STK3: variants seen among roughly 807,000 people sequenced by gnomAD.
STK3 encodes serine/threonine-protein kinase 3.
Under a neutral mutation model 58.0 loss-of-function variants are expected in STK3, and 41 were observed. The observed-to-expected ratio is 0.71, with a 90% CI of 0.55 to 0.92. STK3 has a LOEUF of 0.92. Ranked by LOEUF, STK3 falls within the 40% of genes least tolerant of loss-of-function variation. The pLI is 0.00. For missense variants in STK3, 479 were observed against 602.7 expected (o/e 0.79, Z 2.15); for synonymous variants, 170 against 191.0 (o/e 0.89, Z 0.91).
At chr8:98,903,648 T>C (rs1475691944) in intron 1 of STK3, among the ~76,000 whole-genome samples, 4 of 151,704 alleles carry the variant, frequency 2.6e-5, no homozygotes, top group African/African-American at 9.7e-5. Flanking sequence ...CAAGTGATCC[T>C]CTAGCCTCAG....
intron 6 of STK3, among the ~76,000 whole-genome samples, chr8:98,626,167 G>A (rs1818698017): frequency 6.6e-6 from 1 of 152,158 alleles, no homozygotes; most frequent in Non-Finnish European, 1.5e-5. Flanking sequence ...CTGCAGCATA[G>A]AAGCCTTAAC....
intron 6 of STK3, among the ~76,000 whole-genome samples, chr8:98,620,253 G>C (rs1399969528): frequency 8.5e-6 from 1 of 117,390 alleles, no homozygotes; most frequent in Non-Finnish European, 1.7e-5. Flanking sequence ...ACTCATAGGT[G>C]GGAATTGAAC....
At chr8:98,773,361 T>C (rs1268550660) in intron 2 of STK3, among the ~76,000 whole-genome samples, 7 of 152,342 alleles carry the variant, frequency 4.6e-5, no homozygotes, top group African/African-American at 1.4e-4. Context: ...TATATCTCTT[T>C]ATTTAGTTGA....
At chr8:98,638,458 A>G (rs1444809373) in intron 6 of STK3, 1 of 152,246 alleles carries the variant, frequency 6.6e-6, no homozygotes, top group Non-Finnish European at 1.5e-5. Context: ...TAAATCACTT[A>G]CATACGGCCA....
intron 4 of STK3, among the ~76,000 whole-genome samples, chr8:98,740,891 T>G (rs1473400015): frequency 1.3e-5 from 2 of 151,796 alleles, no homozygotes; most frequent in African/African-American, 2.4e-5. Flanking sequence ...AATAAAAGGA[T>G]GGAGGAAGAT....
At chr8:98,534,281 A>ACC (rs1809582115) in intron 9 of STK3, among the ~76,000 whole-genome samples, 1 of 152,224 alleles carries the variant, frequency 6.6e-6, no homozygotes, top group Non-Finnish European at 1.5e-5. Flanking sequence ...TACCCACTGT[A>ACC]AAGATATTGA....
chr8:98,748,315 C>A (rs1829768771), intron 4 of STK3, among the ~76,000 whole-genome samples: 1 of 152,064 alleles, frequency 6.6e-6, no homozygotes, highest in Non-Finnish European at 1.5e-5. Flanking sequence ...TAAAATATAT[C>A]ATTAGCAGAA....
At chr8:98,657,908 T>A (rs1048264813) in intron 6 of STK3, among the ~76,000 whole-genome samples, 7 of 152,122 alleles carry the variant, frequency 4.6e-5, no homozygotes, top group Admixed American at 2.0e-4. Context: ...ATTTCTCATT[T>A]AGTCCTTACA....
At chr8:98,670,588 A>T (rs1822752862) in intron 6 of STK3, among the ~76,000 whole-genome samples, 1 of 152,108 alleles carries the variant, frequency 6.6e-6, no homozygotes, top group Non-Finnish European at 1.5e-5. Context: ...ACAGCCTGAA[A>T]CCCATGACCC....
chr8:98,702,165 C>T (rs1211305672), intron 6 of STK3, among the ~76,000 whole-genome samples: 1 of 152,138 alleles, frequency 6.6e-6, no homozygotes, highest in Non-Finnish European at 1.5e-5. Context: ...CAAACAAATC[C>T]AGTGTTTTTA....
the STK3 span, among the ~76,000 whole-genome samples, chr8:98,365,255 C>T: frequency 2.6e-5 from 4 of 152,210 alleles, no homozygotes; most frequent in East Asian, 5.8e-4. Context: ...TTTAATATCA[C>T]GCTTACTACA....
intron 7 of STK3, among the ~76,000 whole-genome samples, chr8:98,588,086 T>C (rs1028476357): frequency 7.1e-4 from 108 of 152,210 alleles, no homozygotes; most frequent in Non-Finnish European, 1.2e-3. Context: ...TTGGAGCATT[T>C]GGTCCATTTA....
chr8:98,751,318 C>A (rs1398655481), intron 3 of STK3, among the ~76,000 whole-genome samples: 1 of 152,112 alleles, frequency 6.6e-6, no homozygotes. Context: ...TCAAACTACC[C>A]CTGTTTGCAG....
chr8:98,737,095 C>A (rs150008172), intron 4 of STK3, among the ~76,000 whole-genome samples: 1 of 152,086 alleles, frequency 6.6e-6, no homozygotes, highest in Admixed American at 6.5e-5. Context: ...TTTTTATTAA[C>A]AATTTAAAGA....
chr8:98,514,927 A>G (rs1305529535), intron 10 of STK3, among the ~76,000 whole-genome samples: 1 of 151,870 alleles, frequency 6.6e-6, no homozygotes, highest in East Asian at 1.9e-4. Context: ...CCCTTTTTCT[A>G]TTCTTTATCT....
chr8:98,413,709 G>A (rs543396339), intron 3 of STK3: 29 of 933,110 alleles, frequency 3.1e-5, no homozygotes, highest in African/African-American at 2.8e-4. Context: ...AAAAGCCACC[G>A]TTCTTTTCTG....
At chr8:98,935,864 T>C (rs1840174222) in intron 1 of STK3, among the ~76,000 whole-genome samples, 1 of 152,206 alleles carries the variant, frequency 6.6e-6, no homozygotes, top group South Asian at 2.1e-4. Flanking sequence ...AAGTCATAAC[T>C]ACTAAGAGCA....
At chr8:98,358,282 C>G in the STK3 span, among the ~76,000 whole-genome samples, 1 of 152,178 alleles carries the variant, frequency 6.6e-6, no homozygotes, top group Non-Finnish European at 1.5e-5. Flanking sequence ...GCAGGGGGAG[C>G]TCTTCCCCGG....
intron 9 of STK3, among the ~76,000 whole-genome samples, chr8:98,547,648 T>C (rs970402426): frequency 2.6e-5 from 4 of 152,206 alleles, no homozygotes; most frequent in African/African-American, 9.6e-5. Context: ...TAATTTTAGG[T>C]TCACTTTTTT....
Sources: allele counts gnomAD v4.1 joint callset (sites outside exome capture counted in the v4.1 genomes callset), GRCh38; gene constraint gnomAD v4.1.1; transcripts MANE v1.5; gene names NCBI Gene and HGNC (gene_info 2026-07-23, HGNC 2026-07-21).